FAM163A: variants seen among roughly 807,000 people sequenced by gnomAD.
The protein encoded by FAM163A is family with sequence similarity 163 member A.
A neutral mutation model predicts 12.0 loss-of-function variants in FAM163A; 7 were observed. That is an observed-to-expected ratio of 0.58 (90% confidence interval 0.33 to 1.10). The LOEUF is 1.10. Ranked by LOEUF, FAM163A falls within the 50% of genes least tolerant of loss-of-function variation. The probability of loss-of-function intolerance (pLI) is 0.03; values close to 1 mark genes in which losing one functional copy is unlikely to be tolerated. For missense variants in FAM163A, 202 were observed against 218.6 expected (o/e 0.92, Z 0.48); for synonymous variants, 101 against 91.0 (o/e 1.11, Z -0.62).
upstream of FAM163A, among the ~76,000 whole-genome samples, chr1:179,740,573 C>G (rs189713156): frequency 2.3e-3 from 354 of 152,256 alleles, no homozygotes; most frequent in Admixed American, 3.5e-3. Flanking sequence ...ATACAACAAC[C>G]TGCAACTCAG....
intron 1 of FAM163A, among the ~76,000 whole-genome samples, chr1:179,796,775 A>G (rs1692388665): frequency 6.6e-6 from 1 of 151,508 alleles, no homozygotes; most frequent in Admixed American, 6.6e-5. Flanking sequence ...AAAGCAGAAG[A>G]AGGGAAAGGC....
At chr1:179,730,523 A>C in the FAM163A span, 1 of 152,252 alleles carries the variant, frequency 6.6e-6, no homozygotes, top group African/African-American at 2.4e-5. Context: ...CATTTGATAT[A>C]AAGTAGAAAC....
chr1:179,738,428 A>G (rs1284939142), upstream of FAM163A, among the ~76,000 whole-genome samples: 1 of 152,212 alleles, frequency 6.6e-6, no homozygotes, highest in Non-Finnish European at 1.5e-5. Flanking sequence ...AAAAATATGT[A>G]GTTTTTTGTA....
intron 1 of FAM163A, among the ~76,000 whole-genome samples, chr1:179,805,098 C>T (rs1303389354): frequency 6.6e-6 from 1 of 151,998 alleles, no homozygotes; most frequent in Non-Finnish European, 1.5e-5. Flanking sequence ...AAAATGTATT[C>T]AGTGGGAGAA....
At chr1:179,784,125 G>C (rs1467914940) in intron 1 of FAM163A, among the ~76,000 whole-genome samples, 3 of 152,074 alleles carry the variant, frequency 2.0e-5, no homozygotes, top group Non-Finnish European at 4.4e-5. Context: ...AGGCTTCCTG[G>C]AAGGCTAGGG....
At chr1:179,801,987 A>G (rs1053411570) in intron 1 of FAM163A, among the ~76,000 whole-genome samples, 3 of 152,236 alleles carry the variant, frequency 2.0e-5, no homozygotes, top group Non-Finnish European at 1.5e-5. Flanking sequence ...AAGGCCAAAC[A>G]AAAATGTGCA....
chr1:179,779,935 G>A (rs943894397), intron 1 of FAM163A, among the ~76,000 whole-genome samples: 2 of 152,224 alleles, frequency 1.3e-5, no homozygotes, highest in African/African-American at 4.8e-5. Flanking sequence ...TATGTGAGAA[G>A]GTTGTTTTGA....
upstream of FAM163A, chr1:179,743,223 T>A (rs1683884682): frequency 6.6e-6 from 1 of 152,332 alleles, no homozygotes; most frequent in Non-Finnish European, 1.5e-5. Context: ...GCCAATCAGG[T>A]CGCGCGGTAC....
At chr1:179,741,873 T>C (rs1490814063), upstream of FAM163A, 2 of 152,266 alleles carry the variant, frequency 1.3e-5, no homozygotes, top group Non-Finnish European at 2.9e-5. Flanking sequence ...CAGGGGAACC[T>C]CTGGGGTGGT....
intron 1 of FAM163A, among the ~76,000 whole-genome samples, chr1:179,793,324 G>A (rs923997254): frequency 6.6e-6 from 1 of 152,148 alleles, no homozygotes; most frequent in Admixed American, 6.5e-5. Context: ...TTTAGCCAGA[G>A]CATAATTAAA....
intron 1 of FAM163A, among the ~76,000 whole-genome samples, chr1:179,760,612 C>G (rs976775379): frequency 3.9e-5 from 6 of 152,198 alleles, no homozygotes; most frequent in Admixed American, 2.6e-4. Context: ...AGTCCAGAGA[C>G]AGGTGAGAGA....
rs867200446 is a variant in FAM163A, at chr1:179,753,319, T to G, written c.-136+9896T>G. ...GCCCAGGGCTAGGGAGAAGGGGGAG[T>G]TGGTAATCAATGGGTATAAAATTTC... On this transcript the variant is annotated intron_variant, in intron 1 of 4. Coordinates refer to ENST00000341785, the MANE Select transcript of FAM163A (RefSeq NM_173509.3). Among the ~76,000 whole-genome samples the G allele has an allele frequency of 6.6e-5, 10 of 151,056 alleles. No homozygotes were observed. In the South Asian group the frequency reaches 8.4e-4, roughly 13 times the overall value.
At chr1:179,775,912 T>TC (rs1337313162) in intron 1 of FAM163A, among the ~76,000 whole-genome samples, 1 of 152,118 alleles carries the variant, frequency 6.6e-6, no homozygotes, top group Non-Finnish European at 1.5e-5. Flanking sequence ...CTCAGAATAT[T>TC]CCCCAGGGTC....
chr1:179,810,766 C>G (rs190867666), intron 2 of FAM163A, among the ~76,000 whole-genome samples: 1 of 152,294 alleles, frequency 6.6e-6, no homozygotes, highest in Admixed American at 6.5e-5. Flanking sequence ...AGGACTATGG[C>G]TCACACTTGT....
At chr1:179,787,621 C>T (rs1011728017) in intron 1 of FAM163A, among the ~76,000 whole-genome samples, 8 of 152,168 alleles carry the variant, frequency 5.3e-5, no homozygotes, top group Non-Finnish European at 1.5e-5. Context: ...AGCATGAGGT[C>T]TAGACACACC....
chr1:179,804,362 A>C (rs1693624707), intron 1 of FAM163A, among the ~76,000 whole-genome samples: 1 of 152,198 alleles, frequency 6.6e-6, no homozygotes, highest in Non-Finnish European at 1.5e-5. Flanking sequence ...ATCAAATGGA[A>C]GGGCTCTGTC....
At chr1:179,766,183 TC>T (rs989026963) in intron 1 of FAM163A, among the ~76,000 whole-genome samples, 9 of 152,284 alleles carry the variant, frequency 5.9e-5, no homozygotes, top group African/African-American at 2.2e-4. Context: ...GAATCTCTCT[TC>T]CCCAAGACAG....
At chr1:179,806,579 G>T (rs1260883503) in intron 1 of FAM163A, among the ~76,000 whole-genome samples, 1 of 152,178 alleles carries the variant, frequency 6.6e-6, no homozygotes, top group Non-Finnish European at 1.5e-5. Flanking sequence ...TCCAGTTTCT[G>T]GCCGAGGGTG....
At chr1:179,733,154 G>A in the FAM163A span, among the ~76,000 whole-genome samples, 1 of 152,116 alleles carries the variant, frequency 6.6e-6, no homozygotes, top group Non-Finnish European at 1.5e-5. Context: ...AGGGCATGGT[G>A]CCTAGCATCC....
Sources: gnomAD v4.1 joint callset for allele counts (sites outside exome capture counted in the v4.1 genomes callset) on GRCh38, gnomAD v4.1.1 for gene constraint, MANE v1.5 for transcripts, NCBI Gene and HGNC (gene_info 2026-07-23, HGNC 2026-07-21) for gene names.